ATXN7L1: variants seen among roughly 807,000 people sequenced by gnomAD.
ATXN7L1 encodes the protein ataxin-7-like protein 1.
Under a neutral mutation model 70.8 loss-of-function variants are expected in ATXN7L1, and 15 were observed. The observed-to-expected ratio is 0.21, with a 90% CI of 0.14 to 0.33. The LOEUF is 0.33. Among genes scored for constraint, ATXN7L1 ranks in the 10% least tolerant of loss-of-function variants. The probability of loss-of-function intolerance (pLI) is 1.00; values close to 1 mark genes in which losing one functional copy is unlikely to be tolerated. For synonymous variants in ATXN7L1, 440 were observed against 445.1 expected (o/e 0.99, Z 0.14); for missense variants, 975 against 1,097.1 (o/e 0.89, Z 1.57).
chr7:105,709,109 G>C (rs1427481580), intron 3 of ATXN7L1, among the ~76,000 whole-genome samples: 1 of 152,188 alleles, frequency 6.6e-6, no homozygotes, highest in Non-Finnish European at 1.5e-5. Flanking sequence ...AAGGTGGGTG[G>C]ATCACCTGAG....
chr7:105,782,233 T>G, intron 3 of ATXN7L1, among the ~76,000 whole-genome samples: 1 of 152,210 alleles, frequency 6.6e-6, no homozygotes, highest in Admixed American at 6.5e-5. Flanking sequence ...GATGGACAGC[T>G]ACGAGGGACA....
At chr7:105,795,131 G>A (rs1805805014) in intron 2 of ATXN7L1, among the ~76,000 whole-genome samples, 1 of 152,196 alleles carries the variant, frequency 6.6e-6, no homozygotes, top group South Asian at 2.1e-4. Flanking sequence ...AGGAGGGAGG[G>A]ATGGAACAGA....
At chr7:105,760,518 G>A in intron 3 of ATXN7L1, 1 of 985,846 alleles carries the variant, frequency 1.0e-6, no homozygotes, top group Non-Finnish European at 1.2e-6. Context: ...TAGCCTCACT[G>A]TTCCTAATGA....
intron 3 of ATXN7L1, among the ~76,000 whole-genome samples, chr7:105,738,314 T>C (rs1797639512): frequency 6.6e-6 from 1 of 152,226 alleles, no homozygotes; most frequent in South Asian, 2.1e-4. Flanking sequence ...TATGTCATTG[T>C]ATGTCTGTCT....
intron 3 of ATXN7L1, among the ~76,000 whole-genome samples, chr7:105,724,081 A>G (rs1358327001): frequency 1.3e-5 from 2 of 152,198 alleles, no homozygotes; most frequent in Non-Finnish European, 2.9e-5. Flanking sequence ...GTAACAAAGT[A>G]CCACAATTTG....
At chr7:105,819,749 T>C (rs1483755752) in intron 2 of ATXN7L1, 11 of 743,460 alleles carry the variant, frequency 1.5e-5, no homozygotes, top group Non-Finnish European at 2.4e-5. Flanking sequence ...CCTCGAGGCA[T>C]GTTGCCCCAC....
intron 2 of ATXN7L1, among the ~76,000 whole-genome samples, chr7:105,808,181 C>A (rs565144140): frequency 6.6e-6 from 1 of 152,294 alleles, no homozygotes; most frequent in African/African-American, 2.4e-5. Flanking sequence ...CTGGTGGGTG[C>A]CAGGTTACTT....
chr7:105,610,412 C>G lies in ATXN7L1; in HGVS notation c.2547+117G>C, dbSNP rs1793040594. On this transcript the variant is annotated intron_variant, in intron 11 of 11. Coordinates refer to ENST00000419735, the MANE Select transcript of ATXN7L1 (RefSeq NM_020725.2). ...AGGCCTAGGTTTGGAAGCCAGGTAGCCATGCTCTTAACTGGAGATGAGGTT... is the reference window on the plus strand; with the variant it reads ...AGGCCTAGGTTTGGAAGCCAGGTAGGCATGCTCTTAACTGGAGATGAGGTT... The G allele has an allele frequency of 3.3e-6, 3 of 920,338 alleles. No homozygotes were observed. The South Asian group carries it at 5.1e-5, about 16-fold the overall frequency. The allele number at this position is 920,338 out of a possible 1,614,324, so 57.0% of individuals were successfully genotyped here.
intron 7 of ATXN7L1, among the ~76,000 whole-genome samples, chr7:105,627,841 G>GT (rs36028028): frequency 0.78 from 67,267 of 86,450 alleles, 27,282 homozygotes; most frequent in East Asian, 0.92. Flanking sequence ...CCTGTCTTTA[G>GT]TTTTTTTTTT....
chr7:105,818,791 G>T (rs1809590503), intron 2 of ATXN7L1, among the ~76,000 whole-genome samples: 1 of 152,130 alleles, frequency 6.6e-6, no homozygotes, highest in East Asian at 1.9e-4. Context: ...CGAAAAACTG[G>T]GGTACCAGAA....
intron 2 of ATXN7L1, among the ~76,000 whole-genome samples, chr7:105,809,574 T>C (rs1186067427): frequency 6.6e-6 from 1 of 152,210 alleles, no homozygotes; most frequent in Non-Finnish European, 1.5e-5. Flanking sequence ...GGTTCAAATA[T>C]ATATCCTTAC....
chr7:105,801,252 T>C (rs1417159898), intron 2 of ATXN7L1, among the ~76,000 whole-genome samples: 2 of 152,180 alleles, frequency 1.3e-5, no homozygotes. Flanking sequence ...AAAATCACTG[T>C]TAAAAGTCAC....
In ATXN7L1 at chr7:105,781,055, A is replaced by T. The variant is rs948369175; in HGVS notation, c.355+7549T>A. ...TCCCGAGATGGTTTTGGTTGTCAAG[A>T]TTAGGAGTGGGGTAGAGACTGCTAT... On this transcript the variant is annotated intron_variant, in intron 3 of 11. Coordinates refer to ENST00000419735, the MANE Select transcript of ATXN7L1 (RefSeq NM_020725.2). 2.6e-5 allele frequency among the ~76,000 whole-genome samples: 4 copies of T among 152,214 alleles called. No homozygotes were observed. The East Asian group carries it at 7.7e-4, about 29-fold the overall frequency.
chr7:105,609,929 G>T (rs1042750213), intron 11 of ATXN7L1, among the ~76,000 whole-genome samples: 1 of 152,002 alleles, frequency 6.6e-6, no homozygotes, highest in Non-Finnish European at 1.5e-5. Context: ...GCACCACCAC[G>T]CCCGGTTACT....
At position 105,876,593 on chromosome 7, in the gene ATXN7L1, G is replaced by T. The variant is rs765687638; in HGVS notation, c.-35C>A. On this transcript the variant is annotated 5_prime_UTR_variant, in exon 1 of 12. Transcript: ENST00000419735. ...GTTCCGACATTGAGTGTTCTGAAAG[G>T]GGGAGGGAGGGAGGAAGGGCGGGAT... 4 of 1,539,498 alleles carry T rather than the reference G, an allele frequency of 2.6e-6. No homozygotes were observed. Among genetic ancestry groups the T allele is most frequent in the South Asian group, 2.3e-5 (2 of 85,346 alleles).
At chr7:105,656,589 T>TTTTTA (rs1800679070) in intron 4 of ATXN7L1, among the ~76,000 whole-genome samples, 1 of 151,532 alleles carries the variant, frequency 6.6e-6, no homozygotes, top group African/African-American at 2.4e-5. Context: ...TTTTTTTTTT[T>TTTTTA]TGAGATAGTC....
chr7:105,808,051 A>G (rs1225455730), intron 2 of ATXN7L1, among the ~76,000 whole-genome samples: 1 of 152,136 alleles, frequency 6.6e-6, no homozygotes, highest in African/African-American at 2.4e-5. Flanking sequence ...GCAATGTCAG[A>G]ACCACCCAAG....
chr7:105,649,690 C>T, intron 4 of ATXN7L1: 6 of 597,588 alleles, frequency 1.0e-5, no homozygotes, highest in Non-Finnish European at 1.3e-5. Flanking sequence ...TGATTATCAA[C>T]AGAAATGCCT....
chr7:105,673,410 A>G (rs1447143776), intron 3 of ATXN7L1, among the ~76,000 whole-genome samples: 1 of 152,188 alleles, frequency 6.6e-6, no homozygotes, highest in Non-Finnish European at 1.5e-5. Context: ...GACTTTGAGC[A>G]CCACAGTCGC....
Sources: gnomAD v4.1 joint callset for allele counts (sites outside exome capture counted in the v4.1 genomes callset) on GRCh38, gnomAD v4.1.1 for gene constraint, MANE v1.5 for transcripts, NCBI Gene and HGNC (gene_info 2026-07-23, HGNC 2026-07-21) for gene names.